The following PRTG variants were observed in gnomAD, a reference collection of about 807,000 sequenced individuals.
The protein encoded by PRTG is immunoglobulin superfamily, DCC subclass, member 5.
In PRTG, 67 loss-of-function variants were observed where a neutral mutation model predicts 122.5. The ratio of observed to expected loss-of-function variants is 0.55; its 90% CI spans 0.45 to 0.67. The LOEUF (loss-of-function observed/expected upper bound fraction) is 0.67, where lower values mean the gene tolerates loss of function less well. Ranked by LOEUF, PRTG falls within the 30% of genes least tolerant of loss-of-function variation. The probability of loss-of-function intolerance (pLI) is 0.00; values close to 1 mark genes in which losing one functional copy is unlikely to be tolerated. For missense variants in PRTG, 1,435 were observed against 1,415.4 expected, an observed-to-expected ratio of 1.01 and a Z score of -0.22; for synonymous variants, 554 against 501.1, an observed-to-expected ratio of 1.11 and a Z score of -1.41.
rs377115254 is a variant in PRTG at position 55,673,454 on chromosome 15, C to T, written c.1769G>A (p.Arg590Gln). 2.5e-6 allele frequency: 4 copies of T among 1,614,004 alleles called. No individual in the cohort carries two copies. Among genetic ancestry groups the T allele is most frequent in the South Asian group, 2.2e-5 (2 of 91,084 alleles). The change falls in exon 10 of 20, where the codon CGG (arginine) becomes CAG (glutamine). Residue 590 changes from arginine (R) to glutamine (Q), a missense_variant. Coordinates refer to ENST00000389286, the MANE Select transcript of PRTG (RefSeq NM_173814.6). ...CCCCACTCTGGTGGCAGCAGTAATCCGAACCAGGTAGACACTGTCAGGTTT... is the reference window on the plus strand; with the variant it reads ...CCCCACTCTGGTGGCAGCAGTAATCTGAACCAGGTAGACACTGTCAGGTTT... ...GLKPDSVYLVRITAATRVGLG... is the reference protein window; with the variant it reads ...GLKPDSVYLVQITAATRVGLG...
chr15:55,652,813 T>C (rs2059360100), intron 11 of PRTG, among the ~76,000 whole-genome samples: 1 of 151,814 alleles, frequency 6.6e-6, no homozygotes, highest in East Asian at 1.9e-4. Flanking sequence ...TTTCTCCAAT[T>C]GAAATCACAC....
chr15:55,693,004 C>CTA (rs2059612867), intron 2 of PRTG, among the ~76,000 whole-genome samples: 2 of 151,298 alleles, frequency 1.3e-5, no homozygotes, highest in Non-Finnish European at 2.9e-5. Context: ...CCACGGCCAG[C>CTA]TAATTTTTTT....
intron 2 of PRTG, among the ~76,000 whole-genome samples, chr15:55,695,716 T>G (rs912847434): frequency 1.3e-5 from 2 of 152,196 alleles, no homozygotes; most frequent in African/African-American, 2.4e-5. Context: ...CAGCGGCTCA[T>G]GCCTATAATC....
At chr15:55,738,501 T>G (rs1360002089) in intron 2 of PRTG, 4 of 701,196 alleles carry the variant, frequency 5.7e-6, no homozygotes, top group Non-Finnish European at 1.0e-5. Flanking sequence ...TCCCTATCCC[T>G]GAAAGATAAG....
chr15:55,679,105 T>A (rs889252997), intron 7 of PRTG, among the ~76,000 whole-genome samples, 181 bp downstream of exon 7: 3 of 152,204 alleles, frequency 2.0e-5, no homozygotes, highest in Non-Finnish European at 4.4e-5. Context: ...TACCAATGAG[T>A]ATTTAGCATA....
At chr15:55,645,239 T>C (rs1419224539) in intron 11 of PRTG, among the ~76,000 whole-genome samples, 4 of 149,904 alleles carry the variant, frequency 2.7e-5, no homozygotes, top group Non-Finnish European at 5.9e-5. Context: ...ATCGAGACCA[T>C]CCTGGCTAAC....
intron 11 of PRTG, among the ~76,000 whole-genome samples, chr15:55,645,309 C>G (rs1425469909): frequency 6.7e-6 from 1 of 148,490 alleles, no homozygotes; most frequent in Non-Finnish European, 1.5e-5. Flanking sequence ...TGGCGCGTGC[C>G]TGTAGTCCCA....
intron 2 of PRTG, among the ~76,000 whole-genome samples, chr15:55,728,378 A>G (rs1269267905): frequency 2.0e-5 from 3 of 152,220 alleles, no homozygotes; most frequent in African/African-American, 7.2e-5. Context: ...TTAGCAAACC[A>G]AGTCCAAAAA....
chr15:55,666,649 T>C (rs1360052932), intron 11 of PRTG, among the ~76,000 whole-genome samples: 1 of 152,240 alleles, frequency 6.6e-6, no homozygotes, highest in East Asian at 1.9e-4. Context: ...GTGATCATGG[T>C]AAATTACTTG....
chr15:55,729,310 T>C (rs1298552975), intron 2 of PRTG, among the ~76,000 whole-genome samples: 1 of 152,102 alleles, frequency 6.6e-6, no homozygotes, highest in Non-Finnish European at 1.5e-5. Flanking sequence ...ACATACCACA[T>C]ATAGGCACAT....
chr15:55,652,529 C>T (rs1010865646), intron 11 of PRTG, among the ~76,000 whole-genome samples: 6 of 152,090 alleles, frequency 3.9e-5, no homozygotes, highest in African/African-American at 1.4e-4. Context: ...CCTGTCCCTT[C>T]GACACAATAC....
At position 55,624,580 on chromosome 15, in the gene PRTG, C is replaced by A. The variant is rs1595600369; in HGVS notation, c.2928-73G>T. 9 of 1,293,540 alleles carry A rather than the reference C, an allele frequency of 7.0e-6. No homozygotes were observed. In the East Asian group the frequency reaches 2.2e-4, roughly 31 times the overall value. 80.1% of individuals were successfully genotyped at this position (1,293,540 alleles called of 1,614,324 possible). A position where few individuals can be genotyped will look rare whatever the true frequency, so the allele number is the denominator to read the frequency against. On this transcript the variant is annotated intron_variant, in intron 17 of 19. Transcript: ENST00000389286. ...CAGGCAAATGAACCACCTGGCCTAT[C>A]AACAAAACTTTGTAAGCAATGCAGT...
intron 11 of PRTG, among the ~76,000 whole-genome samples, chr15:55,671,243 C>T (rs749619142): frequency 1.1e-4 from 16 of 152,160 alleles, no homozygotes; most frequent in Non-Finnish European, 1.3e-4. Flanking sequence ...CATGGCTGTA[C>T]AGCTGAGCCT....
intron 18 of PRTG, among the ~76,000 whole-genome samples, chr15:55,621,242 C>T (rs1258922903): frequency 3.3e-5 from 5 of 152,076 alleles, no homozygotes; most frequent in Non-Finnish European, 7.4e-5. Context: ...ATCCCAGCTC[C>T]TCAGGAGGCT....
intron 2 of PRTG, among the ~76,000 whole-genome samples, chr15:55,698,559 G>T (rs2059644233): frequency 6.6e-6 from 1 of 152,184 alleles, no homozygotes; most frequent in African/African-American, 2.4e-5. Flanking sequence ...CCAAAGTGCT[G>T]GGATTACAGG....
At chr15:55,662,890 C>A (rs768909767) in intron 11 of PRTG, among the ~76,000 whole-genome samples, 3 of 152,240 alleles carry the variant, frequency 2.0e-5, no homozygotes, top group Non-Finnish European at 4.4e-5. Context: ...TAACTTCCAA[C>A]TGCACAACAA....
intron 2 of PRTG, among the ~76,000 whole-genome samples, chr15:55,684,375 T>G (rs2059558662): frequency 2.6e-5 from 4 of 151,932 alleles, no homozygotes; most frequent in Non-Finnish European, 5.9e-5. Context: ...TAGATGGGGG[T>G]GGTGGTGGTG....
chr15:55,740,359 CAACT>C lies in PRTG; in HGVS notation c.397+19_397+22del. ...AAAATGTAGCAATGAAAAATGTCAA[CAACT>C]AAAAACTTAAACACTTACTTGATAA... On this transcript the variant is annotated intron_variant, in intron 2 of 19. Transcript: ENST00000389286. The C allele has an allele frequency of 6.4e-7, 1 of 1,552,396 alleles. No individual in the cohort carries two copies. Among genetic ancestry groups the C allele is most frequent in the Non-Finnish European group, 8.7e-7 (1 of 1,150,998 alleles).
At chr15:55,696,472 C>T (rs575307285) in intron 2 of PRTG, among the ~76,000 whole-genome samples, 122 of 152,244 alleles carry the variant, frequency 8.0e-4, no homozygotes, top group African/African-American at 2.7e-3. Context: ...CTGAGGCTTC[C>T]TACTTGAAGA....
Sources: allele counts gnomAD v4.1 joint callset (sites outside exome capture counted in the v4.1 genomes callset), GRCh38; gene constraint gnomAD v4.1.1; transcripts MANE v1.5; gene names NCBI Gene and HGNC (gene_info 2026-07-23, HGNC 2026-07-21).